The following CSMD1 variants were observed in gnomAD, a reference collection of about 807,000 sequenced individuals.
The protein encoded by CSMD1 is CUB and sushi domain-containing protein 1.
Under a neutral mutation model 417.5 loss-of-function variants are expected in CSMD1, and 213 were observed. The observed-to-expected ratio is 0.51, with a 90% CI of 0.46 to 0.57. The LOEUF (loss-of-function observed/expected upper bound fraction) is 0.57, where lower values mean the gene tolerates loss of function less well. Ranked by LOEUF, CSMD1 falls within the 20% of genes least tolerant of loss-of-function variation. The pLI is 0.00. For synonymous variants in CSMD1, 2,862 were observed against 1,736.8 expected (o/e 1.65, Z -16.11); for missense variants, 6,923 against 4,529.7 (o/e 1.53, Z -15.17).
At chr8:3,048,106 T>G (rs1378885982) in intron 50 of CSMD1, among the ~76,000 whole-genome samples, 1 of 152,194 alleles carries the variant, frequency 6.6e-6, no homozygotes, top group Non-Finnish European at 1.5e-5. Context: ...CCCAAAGAGC[T>G]GAATTATTTT....
intron 7 of CSMD1, among the ~76,000 whole-genome samples, chr8:3,631,309 G>T (rs1584989064): frequency 6.6e-6 from 1 of 152,156 alleles, no homozygotes; most frequent in Admixed American, 6.5e-5. Context: ...CGGATTTTCT[G>T]TCTGGTTTAT....
intron 2 of CSMD1, among the ~76,000 whole-genome samples, chr8:4,634,404 T>G (rs1802708915): frequency 6.6e-6 from 1 of 152,318 alleles, no homozygotes; most frequent in Non-Finnish European, 1.5e-5. Context: ...ACAGTGGTTA[T>G]GTGAAAGAAA....
chr8:3,212,047 G>C (rs1797643579), intron 30 of CSMD1, among the ~76,000 whole-genome samples: 1 of 152,102 alleles, frequency 6.6e-6, no homozygotes, highest in South Asian at 2.1e-4. Context: ...GTCCTGTTTT[G>C]GGGGCTGTGC....
At chr8:4,633,511 A>G (rs899768207) in intron 2 of CSMD1, among the ~76,000 whole-genome samples, 5 of 151,654 alleles carry the variant, frequency 3.3e-5, no homozygotes, top group Non-Finnish European at 7.4e-5. Flanking sequence ...GGCCTCCCAA[A>G]GTGCTGGGAT....
At chr8:4,894,957 G>T (rs900430107) in intron 1 of CSMD1, among the ~76,000 whole-genome samples, 17 of 152,248 alleles carry the variant, frequency 1.1e-4, no homozygotes, top group African/African-American at 4.1e-4. Context: ...AATGGCTGAG[G>T]TTCAGGGCTC....
chr8:3,897,273 A>C, intron 5 of CSMD1, among the ~76,000 whole-genome samples: 1 of 152,176 alleles, frequency 6.6e-6, no homozygotes, highest in East Asian at 1.9e-4. Context: ...GTGACTAGCA[A>C]TTTTAATTAT....
At chr8:4,727,035 A>C (rs1809504222) in intron 1 of CSMD1, among the ~76,000 whole-genome samples, 1 of 152,174 alleles carries the variant, frequency 6.6e-6, no homozygotes, top group Non-Finnish European at 1.5e-5. Flanking sequence ...AAGGTCATCC[A>C]ACTGTTTTCT....
chr8:4,251,660 A>G (rs990353331), intron 3 of CSMD1, among the ~76,000 whole-genome samples: 42 of 152,252 alleles, frequency 2.8e-4, no homozygotes, highest in Non-Finnish European at 3.8e-4. Context: ...TTTCTCATTT[A>G]ATAGTCTGGG....
chr8:2,949,343 T>C lies in CSMD1; in HGVS notation c.10358A>G (p.Asp3453Gly), dbSNP rs368405203. 1.2e-5 allele frequency: 19 copies of C among 1,608,384 alleles called. No individual in the cohort carries two copies. Among genetic ancestry groups the C allele is most frequent in the Non-Finnish European group, 1.5e-5 (18 of 1,176,968 alleles). ...TTTTCCAAAGTCTTTTCCATGAATG[T>C]CACCTTGAAAAGTAAATCCTCCTCT... is the stretch of plus-strand genomic sequence containing the variant. ...LERGGFTFQG[D>G]IHGKDFGKFK... Residue 3453 changes from aspartate to glycine, a missense_variant, in exon 68 of 70, where the codon GAC (aspartate) becomes GGC (glycine). Asp to Gly is a moderately conservative substitution (Grantham distance 94, BLOSUM62 -1). Coordinates refer to ENST00000635120, the MANE Select transcript of CSMD1 (RefSeq NM_033225.6).
intron 2 of CSMD1, among the ~76,000 whole-genome samples, chr8:4,496,515 G>C (rs773491707): frequency 1.3e-5 from 2 of 152,198 alleles, no homozygotes; most frequent in East Asian, 1.9e-4. Flanking sequence ...TAATATACCA[G>C]GGAGTATGTT....
intron 3 of CSMD1, among the ~76,000 whole-genome samples, chr8:4,166,685 A>G (rs1797476833): frequency 6.6e-6 from 1 of 152,130 alleles, no homozygotes; most frequent in African/African-American, 2.4e-5. Flanking sequence ...GTGCACCAAA[A>G]TCAAGAAAAT....
intron 1 of CSMD1, among the ~76,000 whole-genome samples, chr8:4,924,230 A>T (rs1806699453): frequency 1.3e-5 from 2 of 152,132 alleles, no homozygotes; most frequent in African/African-American, 4.8e-5. Context: ...TGTAAGTTTT[A>T]TTTTCATCTA....
Position 4,453,814 on chromosome 8 carries a change from CTTTT to C in CSMD1, c.303-33753_303-33750del, listed in dbSNP as rs60422486. On this transcript the variant is annotated intron_variant, in intron 2 of 69. Transcript: ENST00000635120. ...CCGAACAAGATTGCGCAATTCGTTTCTTTTTTTTTTTTTTTTTTTTTTTTTGAGA... is the reference window on the plus strand; with the variant it reads ...CCGAACAAGATTGCGCAATTCGTTTCTTTTTTTTTTTTTTTTTTTTTGAGA... Among the ~76,000 whole-genome samples the C allele has an allele frequency of 5.9e-3, 399 of 67,692 alleles. 1 individual carries two copies. The highest frequency in any genetic ancestry group is 0.021 in the African/African-American group (364 of 17,388). 44.4% of individuals were successfully genotyped at this position (67,692 alleles called of 152,430 possible).
At chr8:3,576,043 G>A (rs1166663890) in intron 9 of CSMD1, among the ~76,000 whole-genome samples, 5 of 152,030 alleles carry the variant, frequency 3.3e-5, no homozygotes, top group African/African-American at 1.2e-4. Flanking sequence ...ATTTTTCATA[G>A]GAAGGATTAA....
intron 23 of CSMD1, 133 bp from the exon 24 acceptor site, chr8:3,308,636 A>G (rs1264749692): frequency 4.5e-6 from 3 of 664,622 alleles, no homozygotes; most frequent in East Asian, 2.8e-5. Flanking sequence ...GAATTTACAA[A>G]GGGGAAAAGA....
chr8:4,896,170 T>C (rs1392996876), intron 1 of CSMD1, among the ~76,000 whole-genome samples: 1 of 152,138 alleles, frequency 6.6e-6, no homozygotes, highest in East Asian at 1.9e-4. Flanking sequence ...GATTGTTTCC[T>C]TTGTCTTTCA....
In CSMD1 at chr8:4,213,718, T is replaced by C. The variant is rs370793820; in HGVS notation, c.416-181619A>G. Among the ~76,000 whole-genome samples the C allele has an allele frequency of 4.4e-4, 67 of 152,306 alleles. 2 individuals carry two copies. The South Asian group carries it at 8.3e-3, about 19-fold the overall frequency. On this transcript the variant is annotated intron_variant, in intron 3 of 69. Transcript: ENST00000635120. ...TGGGAAGCCGTGGGCTCCTGTGTGA[T>C]TTCCTGAAAGGGTGGGAATGGGGTA... is the stretch of plus-strand genomic sequence containing the variant.
At chr8:3,198,998 C>T (rs1451964628) in intron 33 of CSMD1, among the ~76,000 whole-genome samples, 2 of 152,184 alleles carry the variant, frequency 1.3e-5, no homozygotes, top group African/African-American at 4.8e-5. Flanking sequence ...CCTTTACAGT[C>T]ATGACAAGCT....
intron 12 of CSMD1, among the ~76,000 whole-genome samples, chr8:3,431,868 T>C (rs1240901243): frequency 6.6e-6 from 1 of 152,138 alleles, no homozygotes; most frequent in South Asian, 2.1e-4. Flanking sequence ...ACGCCCACAG[T>C]GAGATAAGAT....
Sources: gnomAD v4.1 joint callset for allele counts (sites outside exome capture counted in the v4.1 genomes callset) on GRCh38, gnomAD v4.1.1 for gene constraint, MANE v1.5 for transcripts, NCBI Gene and HGNC (gene_info 2026-07-23, HGNC 2026-07-21) for gene names.